The following CRYM variants were observed in gnomAD, a reference collection of about 807,000 sequenced individuals.
The protein encoded by CRYM is crystallin mu.
A neutral mutation model predicts 32.9 loss-of-function variants in CRYM; 18 were observed. That is an observed-to-expected ratio of 0.55 (90% CI 0.38 to 0.81). The LOEUF (loss-of-function observed/expected upper bound fraction) is 0.81. CRYM is among the 30% of genes least tolerant of loss of function. The pLI is 0.00. For synonymous variants in CRYM, 153 were observed against 152.4 expected (o/e 1.00, Z -0.03); for missense variants, 337 against 393.5 (o/e 0.86, Z 1.21).
At chr16:21,281,094 TTCTCTCTCTCTCTCACTCTCTCTC>T (rs1421236484), upstream of CRYM, among the ~76,000 whole-genome samples, 2,483 of 143,562 alleles carry the variant, frequency 0.017, 93 homozygotes, top group East Asian at 0.081. Flanking sequence ...AACAGAGTGA[TTCTCTCTCTCTCTCACTCTCTCTC>T]TCTCTCTCTC....
In CRYM at chr16:21,269,775, C is replaced by A. The variant is rs199823627; in HGVS notation, c.489+15G>T. 5 of 1,334,652 alleles carry A rather than the reference C, an allele frequency of 3.7e-6. No homozygotes were observed. The highest frequency in any genetic ancestry group is 3.5e-5 in the Admixed American group (2 of 57,540). 82.7% of individuals were successfully genotyped at this position (1,334,652 alleles called of 1,614,324 possible). A position where few individuals can be genotyped will look rare whatever the true frequency, so the allele number is the denominator to read the frequency against. On this transcript the variant is annotated intron_variant, in intron 4 of 7. Coordinates refer to ENST00000572914, the MANE Select transcript of CRYM (RefSeq NM_001376256.1). ...CCCCTTCCCTCTTCTCTCCCACCCC[C>A]ACCCCTGGACTTACCTCCTTAAAGG...
chr16:21,260,404 A>G (rs1207837292), intron 7 of CRYM, among the ~76,000 whole-genome samples: 1 of 152,030 alleles, frequency 6.6e-6, no homozygotes, highest in Non-Finnish European at 1.5e-5. Context: ...GGTTCAAGTG[A>G]TTCTCCTGCC....
At chr16:21,295,336 G>A (rs181705195) in intron 1 of CRYM, among the ~76,000 whole-genome samples, 14 of 152,204 alleles carry the variant, frequency 9.2e-5, no homozygotes, top group Admixed American at 9.2e-4. Flanking sequence ...CAGCATCTGT[G>A]GTTTCTTGAC....
At chr16:21,301,775 C>T (rs1424699079) in intron 1 of CRYM, among the ~76,000 whole-genome samples, 1 of 152,202 alleles carries the variant, frequency 6.6e-6, no homozygotes, top group Non-Finnish European at 1.5e-5. Flanking sequence ...GCCAGGCTGC[C>T]AACCTGCCCG....
intron 1 of CRYM, among the ~76,000 whole-genome samples, chr16:21,290,257 C>G (rs561029689): frequency 6.6e-6 from 1 of 152,330 alleles, no homozygotes; most frequent in East Asian, 1.9e-4. Flanking sequence ...AACTGTAACA[C>G]TAACCACGAA....
In CRYM at chr16:21,262,120, C is replaced by A. The variant is rs781561505; in HGVS notation, c.712G>T (p.Asp238Tyr). ...AGCACAGCTTCTTTCATGAGCTCAT[C>A]ATCCAGTTCTCTCCAGTCAGGTCTG... ...ASRPDWRELD[D>Y]ELMKEAVLYV... The change falls in exon 6 of 8, where the codon GAT (aspartate) becomes TAT (tyrosine). Residue 238 changes from aspartate (D) to tyrosine (Y), a missense_variant. Coordinates refer to ENST00000572914, the MANE Select transcript of CRYM (RefSeq NM_001376256.1). 9 of 1,614,044 alleles carry A rather than the reference C, an allele frequency of 5.6e-6. No homozygotes were observed. The African/African-American group carries it at 6.7e-5, about 12-fold the overall frequency.
intron 1 of CRYM, among the ~76,000 whole-genome samples, chr16:21,298,117 G>T (rs1960825528): frequency 6.6e-6 from 1 of 152,176 alleles, no homozygotes; most frequent in African/African-American, 2.4e-5. Context: ...TCCAGTATTT[G>T]CCCAATCAGA....
intron 1 of CRYM, among the ~76,000 whole-genome samples, chr16:21,293,360 G>A (rs1295834942): frequency 2.0e-5 from 3 of 152,198 alleles, no homozygotes; most frequent in African/African-American, 7.2e-5. Flanking sequence ...ACAGGAGACA[G>A]TGAACAAGGG....
At chr16:21,278,693 C>T (rs906603493), upstream of CRYM, 12 of 203,510 alleles carry the variant, frequency 5.9e-5, 1 homozygote, top group East Asian at 1.5e-4. Context: ...TTACTGCCTA[C>T]TGCTAGGAGA....
intron 1 of CRYM, among the ~76,000 whole-genome samples, chr16:21,294,596 T>G (rs975023022): frequency 3.3e-5 from 5 of 152,090 alleles, no homozygotes; most frequent in Non-Finnish European, 7.4e-5. Context: ...AGTGAGAACA[T>G]GCAGTGTTCG....
chr16:21,262,092 T>G lies in CRYM; in HGVS notation c.740A>C (p.Tyr247Ser). 1.2e-6 allele frequency: 2 copies of G among 1,614,118 alleles called. No individual in the cohort carries two copies. Among genetic ancestry groups the G allele is most frequent in the Non-Finnish European group, 1.7e-6 (2 of 1,180,008 alleles). Residue 247 changes from tyrosine (Y) to serine (S), a missense_variant, in exon 6 of 8, where the codon TAC becomes TCC. Coordinates refer to ENST00000572914, the MANE Select transcript of CRYM (RefSeq NM_001376256.1). ...CAGGGCAGCCTCCTGGGAATCCACGTACAGCACAGCTTCTTTCATGAGCTC... is the reference window on the plus strand; with the variant it reads ...CAGGGCAGCCTCCTGGGAATCCACGGACAGCACAGCTTCTTTCATGAGCTC... Reference protein sequence around the residue: ...DDELMKEAVLYVDSQEAALKE... With the variant: ...DDELMKEAVLSVDSQEAALKE...
At chr16:21,295,058 C>T (rs1466669343) in intron 1 of CRYM, among the ~76,000 whole-genome samples, 1 of 152,144 alleles carries the variant, frequency 6.6e-6, no homozygotes, top group Non-Finnish European at 1.5e-5. Context: ...TTTCTTTATC[C>T]AGTCTATCAC....
In CRYM at chr16:21,277,407, A is replaced by G. The variant is rs991725744; in HGVS notation, c.324+24T>C. On this transcript the variant is annotated intron_variant, in intron 2 of 7. Coordinates refer to ENST00000572914, the MANE Select transcript of CRYM (RefSeq NM_001376256.1). This position sits in a 1 kb window ranked among gnomAD's most constrained non-coding sequence, Gnocchi z 4.2. ...AATCTGGGCCCAGGGGCCCCATTCC[A>G]CCCCGGGACAGGAAGTTGCTCACCG... 3.1e-6 allele frequency: 5 copies of G among 1,610,658 alleles called. No homozygotes were observed. The highest frequency in any genetic ancestry group is 3.4e-6 in the Non-Finnish European group (4 of 1,179,664).
At chr16:21,297,819 ACTAGATG>A (rs1425254951) in intron 1 of CRYM, among the ~76,000 whole-genome samples, 2 of 152,162 alleles carry the variant, frequency 1.3e-5, no homozygotes, top group Non-Finnish European at 1.5e-5. Flanking sequence ...TAATTCTCTG[ACTAGATG>A]AAAAAAATAT....
chr16:21,264,558 G>A lies in CRYM; in HGVS notation c.674-2400C>T, dbSNP rs1156900734. On this transcript the variant is annotated intron_variant, in intron 5 of 7. Coordinates refer to ENST00000572914, the MANE Select transcript of CRYM (RefSeq NM_001376256.1). ...ACTGGGCCTGTCCCTCCGCTGAGCT[G>A]TAAACTAAGTAAAATCTGTTGTTGG... Among the ~76,000 whole-genome samples, 8 of 152,324 alleles carry A rather than the reference G, an allele frequency of 5.3e-5. No individual in the cohort carries two copies. In the South Asian group the frequency reaches 1.7e-3, roughly 32 times the overall value.
At chr16:21,260,951 T>C (rs1347906166) in intron 7 of CRYM, 1 of 462,828 alleles carries the variant, frequency 2.2e-6, no homozygotes, top group Non-Finnish European at 4.0e-6. Context: ...TGATTCATTT[T>C]ATATGCAAAT....
intron 1 of CRYM, among the ~76,000 whole-genome samples, chr16:21,288,425 A>G (rs950832592): frequency 6.6e-5 from 10 of 152,120 alleles, no homozygotes; most frequent in Non-Finnish European, 1.5e-4. Context: ...ATTTGTTCAT[A>G]GTATTCTCTT....
chr16:21,276,748 C>T (rs887293695), intron 2 of CRYM, among the ~76,000 whole-genome samples: 1 of 152,144 alleles, frequency 6.6e-6, no homozygotes, highest in Non-Finnish European at 1.5e-5. Context: ...ACCTATGGAC[C>T]GTGGACTTAG....
chr16:21,264,218 C>T (rs1320203758), intron 5 of CRYM, among the ~76,000 whole-genome samples: 6 of 147,708 alleles, frequency 4.1e-5, no homozygotes, highest in Non-Finnish European at 8.9e-5. Flanking sequence ...GCGGAGAGTT[C>T]TATAGAACAA....
Sources: allele counts gnomAD v4.1 joint callset (sites outside exome capture counted in the v4.1 genomes callset), GRCh38; gene constraint gnomAD v4.1.1; non-coding constraint Gnocchi (gnomAD v3.1); transcripts MANE v1.5; gene names NCBI Gene and HGNC (gene_info 2026-07-23, HGNC 2026-07-21).